Variants in ZMIZ1 observed in about 807,000 individuals in gnomAD.
ZMIZ1 encodes the protein zinc finger MIZ-type containing 1, also known as zinc finger MIZ domain-containing protein 1.
Under a neutral mutation model 113.9 loss-of-function variants are expected in ZMIZ1, and 17 were observed. The observed-to-expected ratio is 0.15, with a 90% CI of 0.10 to 0.22. ZMIZ1 has a LOEUF of 0.22. ZMIZ1 is among the 10% of genes least tolerant of loss of function. The pLI, the probability that ZMIZ1 is intolerant of heterozygous loss-of-function variation, is 1.00. For synonymous variants in ZMIZ1, 607 were observed against 603.1 expected (o/e 1.01, Z -0.09); for missense variants, 1,059 against 1,477.8 (o/e 0.72, Z 4.65).
intron 24 of ZMIZ1, 121 bp downstream of exon 24, chr10:79,311,305 A>C: frequency 6.2e-5 from 18 of 289,478 alleles, no homozygotes; most frequent in Non-Finnish European, 1.1e-4. Flanking sequence ...GGGCGGTGGG[A>C]GGGCTTCACC....
chr10:79,209,185 G>A (rs1767401855), intron 6 of ZMIZ1, among the ~76,000 whole-genome samples: 1 of 142,852 alleles, frequency 7.0e-6, no homozygotes, highest in Admixed American at 6.7e-5. Flanking sequence ...AAGCAGCAGA[G>A]GGGGCAGGAG....
At chr10:79,265,210 C>A (rs1306918137) in intron 7 of ZMIZ1, among the ~76,000 whole-genome samples, 5 of 152,142 alleles carry the variant, frequency 3.3e-5, no homozygotes. Context: ...GAGGGACAGG[C>A]TGTAGGCCCT....
intron 1 of ZMIZ1, among the ~76,000 whole-genome samples, chr10:79,108,296 G>T (rs1209729705): frequency 1.3e-5 from 2 of 152,322 alleles, no homozygotes; most frequent in Admixed American, 1.3e-4. Flanking sequence ...GAGGCTGGGA[G>T]AAGGGGTGGT....
chr10:79,079,053 C>G (rs542040140), intron 1 of ZMIZ1, among the ~76,000 whole-genome samples: 1 of 152,364 alleles, frequency 6.6e-6, no homozygotes, highest in African/African-American at 2.4e-5. Context: ...TTCCCCTCAG[C>G]CTGCTTTCTT....
At chr10:79,098,951 A>G (rs969560684) in intron 1 of ZMIZ1, among the ~76,000 whole-genome samples, 12 of 152,196 alleles carry the variant, frequency 7.9e-5, no homozygotes, top group Admixed American at 2.6e-4. Context: ...AGACGTCTGC[A>G]TTGGCCCCTG....
At chr10:79,206,526 G>A (rs1199310016) in intron 5 of ZMIZ1, among the ~76,000 whole-genome samples, 1 of 152,240 alleles carries the variant, frequency 6.6e-6, no homozygotes, top group African/African-American at 2.4e-5. Context: ...AAGGGCACAG[G>A]AGGCAGAGGT....
At chr10:79,261,400 G>A (rs1022132730) in intron 7 of ZMIZ1, among the ~76,000 whole-genome samples, 1 of 152,218 alleles carries the variant, frequency 6.6e-6, no homozygotes, top group Non-Finnish European at 1.5e-5. Context: ...AGCAGGCGCT[G>A]GAGGGGGAGG....
At position 79,296,480 on chromosome 10, in the gene ZMIZ1, G is replaced by C. The variant is rs766044864; in HGVS notation, c.1240G>C (p.Gly414Arg). 1 of 1,613,906 alleles carries C rather than the reference G, an allele frequency of 6.2e-7. No individual in the cohort carries two copies. Among genetic ancestry groups the C allele is most frequent in the Non-Finnish European group, 8.5e-7 (1 of 1,179,936 alleles). ...TTCTCTCCCACCACAGCCCAACTATGGAAACCAGCAATATGGACCAAACAG... is the reference window on the plus strand; with the variant it reads ...TTCTCTCCCACCACAGCCCAACTATCGAAACCAGCAATATGGACCAAACAG... ...KRPYPGEPNY[G>R]NQQYGPNSQF... Residue 414 changes from glycine to arginine, a missense_variant, in exon 13 of 25, where the codon GGA becomes CGA. Physicochemically the swap from Gly to Arg is moderately radical, Grantham distance 125. Coordinates refer to ENST00000334512, the MANE Select transcript of ZMIZ1 (RefSeq NM_020338.4). The surrounding 1 kb of genome is among the most constrained non-coding windows in gnomAD (Gnocchi z 4.1).
At chr10:79,300,287 TG>T (rs926758567) in intron 16 of ZMIZ1, among the ~76,000 whole-genome samples, 7 of 152,126 alleles carry the variant, frequency 4.6e-5, no homozygotes, top group African/African-American at 1.7e-4. Flanking sequence ...GCTGCGTCCT[TG>T]GGGGGCCTCC....
At chr10:79,144,101 G>C (rs1056922879) in intron 3 of ZMIZ1, among the ~76,000 whole-genome samples, 3 of 152,144 alleles carry the variant, frequency 2.0e-5, no homozygotes, top group African/African-American at 7.2e-5. Context: ...TAGTGTGCCC[G>C]GCGGAGGGGA....
chr10:79,313,901 G>T lies in ZMIZ1; in HGVS notation c.*1152G>T. 2.6e-6 allele frequency: 1 copy of T among 387,994 alleles called. No homozygotes were observed. Among genetic ancestry groups the T allele is most frequent in the Non-Finnish European group, 5.2e-6 (1 of 192,928 alleles). The allele number at this position is 387,994 out of a possible 1,614,324, so 24.0% of individuals were successfully genotyped here. A position where few individuals can be genotyped will look rare whatever the true frequency, so the allele number is the denominator to read the frequency against. On this transcript the variant is annotated 3_prime_UTR_variant, in exon 25 of 25. Coordinates refer to ENST00000334512, the MANE Select transcript of ZMIZ1 (RefSeq NM_020338.4). The stretch of plus-strand genomic sequence containing the variant: ...GGGGAGGTGCAGAAACCAGAGCCCA[G>T]GGCAATGGTGTCTGTCCAGCCCCTC...
At chr10:79,136,377 C>T (rs752404501) in intron 2 of ZMIZ1, among the ~76,000 whole-genome samples, 99 of 152,382 alleles carry the variant, frequency 6.5e-4, no homozygotes, top group Non-Finnish European at 1.2e-3. Context: ...GACCCCAGCC[C>T]TGCCTTGGGC....
intron 18 of ZMIZ1, among the ~76,000 whole-genome samples, chr10:79,303,050 C>T (rs890815948): frequency 6.6e-6 from 1 of 151,746 alleles, no homozygotes; most frequent in Admixed American, 6.6e-5. Context: ...TTAGTAGAGA[C>T]GGGGTTTCAC....
intron 7 of ZMIZ1, among the ~76,000 whole-genome samples, chr10:79,217,422 C>T (rs769993084): frequency 2.0e-5 from 3 of 151,520 alleles, no homozygotes; most frequent in Non-Finnish European, 4.4e-5. Flanking sequence ...GAGACTCCGT[C>T]TCAAAAAAAA....
At chr10:79,083,733 G>C (rs569386719) in intron 1 of ZMIZ1, among the ~76,000 whole-genome samples, 1 of 152,300 alleles carries the variant, frequency 6.6e-6, no homozygotes, top group Admixed American at 6.5e-5. Context: ...GTCGGATCCT[G>C]AATGTATTTT....
chr10:79,285,376 T>C (rs553266861), intron 8 of ZMIZ1: 4 of 435,328 alleles, frequency 9.2e-6, no homozygotes, highest in East Asian at 1.4e-4. Context: ...ACTCTGGGCC[T>C]CATACATGTT....
At chr10:79,310,168 T>C (rs2132106045) in intron 23 of ZMIZ1, among the ~76,000 whole-genome samples, 1 of 152,328 alleles carries the variant, frequency 6.6e-6, no homozygotes, top group Non-Finnish European at 1.5e-5. Context: ...TCCTTGTCCT[T>C]GGAGTCCCAG....
At chr10:79,208,137 G>T (rs1406382260) in intron 5 of ZMIZ1, among the ~76,000 whole-genome samples, 199 bp from the exon 6 acceptor site, 2 of 139,392 alleles carry the variant, frequency 1.4e-5, no homozygotes, top group Non-Finnish European at 3.1e-5. Context: ...GTGGGGGTGG[G>T]GGGGGGTGGG....
At position 79,289,830 on chromosome 10, in the gene ZMIZ1, C is replaced by T. The variant is rs1853349038; in HGVS notation, c.481C>T (p.Pro161Ser). The T allele has an allele frequency of 3.7e-6, 6 of 1,614,126 alleles. No individual in the cohort carries two copies. The highest frequency in any genetic ancestry group is 1.7e-5 in the Admixed American group (1 of 60,020). ...TTGGCAGCAGAACACCAACCAGCCT[C>T]CCGGCTCCCTTTCCGTGGTCACCAC... ...VPWQQNTNQP[P>S]GSLSVVTTVW... Residue 161 changes from proline (P) to serine (S), a missense_variant, in exon 9 of 25, where the codon CCC becomes TCC. Pro to Ser is a moderately conservative substitution (Grantham distance 74, BLOSUM62 -1). Coordinates refer to ENST00000334512, the MANE Select transcript of ZMIZ1 (RefSeq NM_020338.4).
Sources: allele counts gnomAD v4.1 joint callset (sites outside exome capture counted in the v4.1 genomes callset), GRCh38; gene constraint gnomAD v4.1.1; non-coding constraint Gnocchi (gnomAD v3.1); transcripts MANE v1.5; gene names NCBI Gene and HGNC (gene_info 2026-07-23, HGNC 2026-07-21).